The following GLIPR1L1 variants were observed in gnomAD, a reference collection of about 807,000 sequenced individuals.
The protein encoded by GLIPR1L1 is GLIPR1-like protein 1.
In GLIPR1L1, 26 loss-of-function variants were observed where a neutral mutation model predicts 29.9. That is an observed-to-expected ratio of 0.87 (90% CI 0.64 to 1.21). The LOEUF (loss-of-function observed/expected upper bound fraction) is 1.21, where lower values mean the gene tolerates loss of function less well. Ranked by LOEUF, GLIPR1L1 falls within the 50% of genes most tolerant of loss-of-function variation. The pLI, the probability that GLIPR1L1 is intolerant of heterozygous loss-of-function variation, is 0.00. For synonymous variants in GLIPR1L1, 77 were observed against 97.5 expected, an observed-to-expected ratio of 0.79 and a Z score of 1.24; for missense variants, 305 against 290.3, an observed-to-expected ratio of 1.05 and a Z score of -0.37.
At chr12:75,366,621 C>A (rs1167874790) in intron 4 of GLIPR1L1, among the ~76,000 whole-genome samples, 1 of 151,684 alleles carries the variant, frequency 6.6e-6, no homozygotes, top group Non-Finnish European at 1.5e-5. Flanking sequence ...TCTTGTCTTT[C>A]CTCTTCTTCA....
chr12:75,366,802 A>T, intron 4 of GLIPR1L1: 1 of 694,484 alleles, frequency 1.4e-6, no homozygotes, highest in South Asian at 1.5e-5. Flanking sequence ...GAGGTCTATC[A>T]CCTCTGAGAG....
chr12:75,340,119 T>C (rs1009745774), intron 1 of GLIPR1L1, among the ~76,000 whole-genome samples: 3 of 150,740 alleles, frequency 2.0e-5, no homozygotes, highest in Non-Finnish European at 4.4e-5. Flanking sequence ...CCATTATATG[T>C]ATATATTTTA....
At chr12:75,360,260 A>G (rs1007698025) in intron 3 of GLIPR1L1, 2 of 152,214 alleles carry the variant, frequency 1.3e-5, no homozygotes, top group Non-Finnish European at 2.9e-5. Context: ...TACATTTCCC[A>G]ACCAATCATG....
intron 3 of GLIPR1L1, among the ~76,000 whole-genome samples, chr12:75,354,172 G>A (rs963318395): frequency 5.5e-5 from 8 of 145,362 alleles, no homozygotes; most frequent in Non-Finnish European, 9.0e-5. Context: ...AAAAAGGGGG[G>A]GGGGTATTCA....
At chr12:75,355,357 G>A (rs546857703) in intron 3 of GLIPR1L1, among the ~76,000 whole-genome samples, 12 of 152,184 alleles carry the variant, frequency 7.9e-5, no homozygotes, top group South Asian at 2.1e-4. Flanking sequence ...TGCAGCCAAC[G>A]AACTATAAAA....
At chr12:75,340,286 A>G (rs1320650735) in intron 1 of GLIPR1L1, among the ~76,000 whole-genome samples, 2 of 151,860 alleles carry the variant, frequency 1.3e-5, no homozygotes, top group Non-Finnish European at 2.9e-5. Context: ...GTCTTTTTCA[A>G]AAAACGACGT....
chr12:75,362,209 T>C (rs1329577360), intron 3 of GLIPR1L1, among the ~76,000 whole-genome samples: 1 of 152,060 alleles, frequency 6.6e-6, no homozygotes, highest in Non-Finnish European at 1.5e-5. Context: ...CAATTTTAAT[T>C]TTTTTTAAAT....
At chr12:75,358,640 T>C (rs1246781005) in intron 3 of GLIPR1L1, among the ~76,000 whole-genome samples, 1 of 149,732 alleles carries the variant, frequency 6.7e-6, no homozygotes, top group East Asian at 1.9e-4. Context: ...AGACAGTAAA[T>C]ATGTTAGACT....
chr12:75,344,264 T>A (rs148365680), intron 2 of GLIPR1L1, among the ~76,000 whole-genome samples: 1 of 152,098 alleles, frequency 6.6e-6, no homozygotes, highest in Non-Finnish European at 1.5e-5. Flanking sequence ...AAGTTACTCA[T>A]GTAGAAAGCC....
chr12:75,343,706 G>A lies in GLIPR1L1; in HGVS notation c.188G>A (p.Gly63Asp), dbSNP rs746054970. 9 of 1,607,876 alleles carry A rather than the reference G, an allele frequency of 5.6e-6. No individual in the cohort carries two copies. In the East Asian group the frequency reaches 2.0e-4, roughly 36 times the overall value. ...ADMKYMIWDK[G>D]LAKMAKAWAN... is the part of the protein sequence containing the mutation. Reference sequence around the variant, plus strand: ...TTTATCTTTCAGATTTGGGATAAAGGTTTAGCAAAGATGGCTAAAGCATGG... The same window carrying A: ...TTTATCTTTCAGATTTGGGATAAAGATTTAGCAAAGATGGCTAAAGCATGG... The change falls in exon 2 of 6, where the codon GGT (glycine) becomes GAT (aspartate). Residue 63 changes from glycine (G) to aspartate (D), a missense_variant. Transcript: ENST00000378695.
At chr12:75,367,958 A>G (rs896485002) in intron 4 of GLIPR1L1, among the ~76,000 whole-genome samples, 4 of 152,110 alleles carry the variant, frequency 2.6e-5, no homozygotes, top group Non-Finnish European at 5.9e-5. Flanking sequence ...AGGTTATAAA[A>G]GTTTTCTCTT....
At chr12:75,348,107 T>G (rs1442238619) in intron 3 of GLIPR1L1, among the ~76,000 whole-genome samples, 1 of 152,152 alleles carries the variant, frequency 6.6e-6, no homozygotes, top group African/African-American at 2.4e-5. Flanking sequence ...AAGAACATAC[T>G]TTTAAGAAAA....
chr12:75,340,851 T>C (rs751985187), intron 1 of GLIPR1L1, among the ~76,000 whole-genome samples: 32 of 150,872 alleles, frequency 2.1e-4, no homozygotes, highest in Non-Finnish European at 3.9e-4. Flanking sequence ...TAGCCATTAG[T>C]GAAATGCAAA....
chr12:75,367,485 G>A (rs1197527533), intron 4 of GLIPR1L1, among the ~76,000 whole-genome samples: 1 of 151,842 alleles, frequency 6.6e-6, no homozygotes, highest in Non-Finnish European at 1.5e-5. Context: ...CAGGGTCAGA[G>A]TCATCAATAT....
Position 75,334,875 on chromosome 12 carries a change from C to A in GLIPR1L1, c.147C>A (p.Asn49Lys). 6.2e-7 allele frequency: 1 copy of A among 1,614,062 alleles called. No individual in the cohort carries two copies. Among genetic ancestry groups the A allele is most frequent in the East Asian group, 2.2e-5 (1 of 44,886 alleles). ...EAHNEWRGKV[N>K]PPAADMKYMI... is the part of the protein sequence containing the mutation. ...ACAACGAATGGCGTGGCAAAGTCAA[C>A]CCTCCCGCGGCCGACATGAAATACA... Residue 49 changes from asparagine (N) to lysine (K), a missense_variant, in exon 1 of 6, where the codon AAC becomes AAA. By Grantham distance (94) the Asn-to-Lys change is moderately conservative. Transcript: ENST00000378695.
At chr12:75,367,006 C>A in intron 4 of GLIPR1L1, 1 of 701,498 alleles carries the variant, frequency 1.4e-6, no homozygotes, top group Non-Finnish European at 2.6e-6. Flanking sequence ...CTCTTCAGAG[C>A]TGAGGAGGTA....
At chr12:75,354,732 C>T (rs1003679134) in intron 3 of GLIPR1L1, among the ~76,000 whole-genome samples, 1 of 152,198 alleles carries the variant, frequency 6.6e-6, no homozygotes, top group Non-Finnish European at 1.5e-5. Flanking sequence ...TCAAACTACA[C>T]TACAAGGCTA....
intron 3 of GLIPR1L1, among the ~76,000 whole-genome samples, chr12:75,359,312 T>G (rs1284337700): frequency 6.8e-6 from 1 of 146,554 alleles, no homozygotes; most frequent in Admixed American, 6.8e-5. Flanking sequence ...TAGCGACATA[T>G]ATGTTGTTCA....
intron 3 of GLIPR1L1, among the ~76,000 whole-genome samples, chr12:75,361,460 A>G (rs899795682): frequency 3.3e-5 from 5 of 152,198 alleles, no homozygotes; most frequent in Admixed American, 3.3e-4. Context: ...CTGCCTAGGC[A>G]TCTGGCTGCC....
Sources: allele counts gnomAD v4.1 joint callset (sites outside exome capture counted in the v4.1 genomes callset), GRCh38; gene constraint gnomAD v4.1.1; transcripts MANE v1.5; gene names NCBI Gene and HGNC (gene_info 2026-07-23, HGNC 2026-07-21).